The following SLC35F1 variants were observed in gnomAD, a reference collection of about 807,000 sequenced individuals.
The protein encoded by SLC35F1 is chromosome 6 open reading frame 169.
SLC35F1 carries 14 observed loss-of-function variants against 48.7 expected under a neutral mutation model. The ratio of observed to expected loss-of-function variants is 0.29; its 90% CI spans 0.19 to 0.45. The LOEUF (loss-of-function observed/expected upper bound fraction) is 0.45. Among genes scored for constraint, SLC35F1 ranks in the 20% least tolerant of loss-of-function variants. The probability of loss-of-function intolerance (pLI) is 1.00; values close to 1 mark genes in which losing one functional copy is unlikely to be tolerated. For missense variants in SLC35F1, 404 were observed against 500.0 expected (o/e 0.81, Z 1.83); for synonymous variants, 190 against 202.2 (o/e 0.94, Z 0.51).
intron 3 of SLC35F1, among the ~76,000 whole-genome samples, chr6:118,256,219 T>G (rs1387566955): frequency 5.2e-5 from 3 of 57,554 alleles, no homozygotes; most frequent in African/African-American, 9.4e-5. Context: ...TGTGTGTGTG[T>G]GTGTGTGTGT....
At chr6:118,085,561 G>A (rs1294837160) in intron 1 of SLC35F1, among the ~76,000 whole-genome samples, 1 of 121,306 alleles carries the variant, frequency 8.2e-6, no homozygotes, top group Non-Finnish European at 1.6e-5. Flanking sequence ...TCAGTGGTGT[G>A]ATCTTGGCTC....
rs139473995 is a variant in SLC35F1, at chr6:118,118,883, G to A, written c.174-35562G>A. On this transcript the variant is annotated intron_variant, in intron 1 of 7. Transcript: ENST00000360388. ...GTAAGATGTAAATGCAAACCTCTGAGATGAAAATAGCAGCTTCTAGGGATA... is the reference window on the plus strand; with the variant it reads ...GTAAGATGTAAATGCAAACCTCTGAAATGAAAATAGCAGCTTCTAGGGATA... 2.5e-3 allele frequency among the ~76,000 whole-genome samples: 381 copies of A among 151,546 alleles called. 1 individual carries two copies. Among genetic ancestry groups the A allele is most frequent in the African/African-American group, 8.9e-3 (368 of 41,322 alleles).
chr6:118,026,549 C>T (rs962581366), intron 1 of SLC35F1, among the ~76,000 whole-genome samples: 1 of 152,176 alleles, frequency 6.6e-6, no homozygotes, highest in African/African-American at 2.4e-5. Flanking sequence ...TTAATACTCT[C>T]TTTGGGAATC....
At chr6:117,926,584 C>A (rs1454786117) in intron 1 of SLC35F1, among the ~76,000 whole-genome samples, 1 of 151,922 alleles carries the variant, frequency 6.6e-6, no homozygotes, top group Non-Finnish European at 1.5e-5. Flanking sequence ...GAGTTTTAGG[C>A]AGAGGAAACA....
intron 1 of SLC35F1, among the ~76,000 whole-genome samples, chr6:118,043,687 GC>G (rs1401673265): frequency 2.9e-5 from 4 of 136,308 alleles, no homozygotes; most frequent in Middle Eastern, 3.9e-3. Context: ...TTAGACATAC[GC>G]CCTCACACTC....
chr6:118,284,198 CA>C (rs1279269840), intron 6 of SLC35F1, among the ~76,000 whole-genome samples: 1 of 152,184 alleles, frequency 6.6e-6, no homozygotes, highest in East Asian at 1.9e-4. Context: ...TCAGAGGAAG[CA>C]AATCTGCCCA....
chr6:117,928,046 T>A (rs1274821634), intron 1 of SLC35F1, among the ~76,000 whole-genome samples: 9 of 152,140 alleles, frequency 5.9e-5, no homozygotes, highest in Non-Finnish European at 1.3e-4. Context: ...TTCCTTCTAC[T>A]CCCATTTCAT....
intron 1 of SLC35F1, among the ~76,000 whole-genome samples, chr6:117,932,793 T>C (rs1195473099): frequency 6.6e-6 from 1 of 152,116 alleles, no homozygotes; most frequent in Non-Finnish European, 1.5e-5. Context: ...GCAAATGCAA[T>C]CTTTAGGAAG....
At chr6:118,259,609 C>A (rs992199638) in intron 3 of SLC35F1, among the ~76,000 whole-genome samples, 1 of 150,388 alleles carries the variant, frequency 6.6e-6, no homozygotes, top group Non-Finnish European at 1.5e-5. Context: ...GGCCAATAAG[C>A]ATACTAAAAG....
At chr6:118,016,098 C>G (rs968039008) in intron 1 of SLC35F1, among the ~76,000 whole-genome samples, 5 of 152,194 alleles carry the variant, frequency 3.3e-5, no homozygotes, top group African/African-American at 4.8e-5. Context: ...AAACAGGCAC[C>G]CATTCTCTAG....
intron 1 of SLC35F1, among the ~76,000 whole-genome samples, chr6:117,966,053 G>A (rs1776559208): frequency 1.3e-5 from 2 of 150,344 alleles, no homozygotes; most frequent in East Asian, 2.0e-4. Context: ...CTGTAAAACC[G>A]ACCAATCAGC....
intron 7 of SLC35F1, among the ~76,000 whole-genome samples, chr6:118,308,217 T>C (rs1202072037): frequency 6.6e-6 from 1 of 152,212 alleles, no homozygotes; most frequent in African/African-American, 2.4e-5. Flanking sequence ...TTAAACAGAA[T>C]TGGGCTCATT....
chr6:118,054,683 G>A (rs190635461), intron 1 of SLC35F1, among the ~76,000 whole-genome samples: 48 of 152,260 alleles, frequency 3.2e-4, no homozygotes, highest in Non-Finnish European at 4.6e-4. Flanking sequence ...AGTTAGAACC[G>A]ATGGGTAGCA....
chr6:118,111,293 A>C (rs1773396077), intron 1 of SLC35F1, among the ~76,000 whole-genome samples: 1 of 152,186 alleles, frequency 6.6e-6, no homozygotes, highest in South Asian at 2.1e-4. Flanking sequence ...CCTGTATATC[A>C]TATTCACACT....
chr6:118,259,719 A>T (rs1775688646), intron 3 of SLC35F1, among the ~76,000 whole-genome samples: 1 of 151,514 alleles, frequency 6.6e-6, no homozygotes. Context: ...AAAAAAATAC[A>T]GTAACAAATG....
rs1776144006 is a variant in SLC35F1, at chr6:118,293,053, G to C, written c.1002+7715G>C. On this transcript the variant is annotated intron_variant, in intron 7 of 7. Coordinates refer to ENST00000360388, the MANE Select transcript of SLC35F1 (RefSeq NM_001029858.4). ...AGCCCAGGAAGAGACTGACATGGAG[G>C]CTTTTCCATTGGAGGGTGTGCTGGC... 2.0e-5 allele frequency among the ~76,000 whole-genome samples: 3 copies of C among 152,272 alleles called. 1 individual carries two copies. In the South Asian group the frequency reaches 6.2e-4, roughly 32 times the overall value.
chr6:118,156,643 T>C (rs1395905849), intron 2 of SLC35F1, among the ~76,000 whole-genome samples: 1 of 130,338 alleles, frequency 7.7e-6, no homozygotes, highest in Non-Finnish European at 1.7e-5. Flanking sequence ...GTTGTGCACA[T>C]GTACCCTAGA....
intron 1 of SLC35F1, among the ~76,000 whole-genome samples, chr6:118,131,393 C>T (rs988991601): frequency 3.5e-4 from 54 of 152,126 alleles, no homozygotes; most frequent in African/African-American, 1.3e-3. Context: ...TAGGAAGTTG[C>T]TGCCTACCAT....
chr6:118,134,444 G>A (rs962809610), intron 1 of SLC35F1, among the ~76,000 whole-genome samples: 6 of 152,228 alleles, frequency 3.9e-5, no homozygotes, highest in African/African-American at 1.4e-4. Context: ...AGGGGCATAA[G>A]AGCCAGGAGA....
Sources: gnomAD v4.1 joint callset for allele counts (sites outside exome capture counted in the v4.1 genomes callset) on GRCh38, gnomAD v4.1.1 for gene constraint, MANE v1.5 for transcripts, NCBI Gene and HGNC (gene_info 2026-07-23, HGNC 2026-07-21) for gene names.